The following EXPH5 variants were observed in gnomAD, a reference collection of about 807,000 sequenced individuals.
EXPH5 encodes the protein exophilin-5.
Under a neutral mutation model 41.1 loss-of-function variants are expected in EXPH5, and 42 were observed. The observed-to-expected ratio is 1.02, with a 90% CI of 0.80 to 1.32. The LOEUF is 1.32. EXPH5 is among the 40% of genes most tolerant of loss of function. The pLI, the probability that EXPH5 is intolerant of heterozygous loss-of-function variation, is 0.00. For missense variants in EXPH5, 2,298 were observed against 2,314.5 expected (o/e 0.99, Z 0.15); for synonymous variants, 798 against 833.5 (o/e 0.96, Z 0.73).
chr11:108,542,582 T>C (rs2093918391), intron 1 of EXPH5, among the ~76,000 whole-genome samples: 1 of 152,208 alleles, frequency 6.6e-6, no homozygotes, highest in African/African-American at 2.4e-5. Context: ...GTTAATCAAT[T>C]TAGTGTTTAT....
chr11:108,554,236 G>A (rs2093980818), intron 1 of EXPH5, among the ~76,000 whole-genome samples: 1 of 151,976 alleles, frequency 6.6e-6, no homozygotes. Context: ...GCTAATTTTT[G>A]TAGAGATGGT....
At chr11:108,560,448 C>G (rs1053483988) in intron 1 of EXPH5, among the ~76,000 whole-genome samples, 1 of 152,168 alleles carries the variant, frequency 6.6e-6, no homozygotes, top group Non-Finnish European at 1.5e-5. Context: ...ACTGATAAAC[C>G]AACTGACCTG....
intron 4 of EXPH5, 49 bp from the exon 5 acceptor site, chr11:108,518,422 C>A: frequency 1.9e-6 from 3 of 1,576,198 alleles, no homozygotes; most frequent in South Asian, 2.3e-5. Flanking sequence ...CTTCACCAGT[C>A]AAAATACTCA....
intron 1 of EXPH5, among the ~76,000 whole-genome samples, chr11:108,572,330 C>T (rs541809639): frequency 4.7e-4 from 71 of 152,168 alleles, no homozygotes; most frequent in Non-Finnish European, 8.1e-4. Flanking sequence ...GTACTCCACA[C>T]GTTTACTCAC....
upstream of EXPH5, among the ~76,000 whole-genome samples, chr11:108,594,255 A>C (rs915545867): frequency 1.3e-5 from 2 of 152,190 alleles, no homozygotes; most frequent in Non-Finnish European, 2.9e-5. Flanking sequence ...CTCTCATCCC[A>C]CAGACACCCC....
rs770027056 is a variant in EXPH5 at position 108,510,030 on chromosome 11, A to G, written c.5477T>C (p.Ile1826Thr). 6 of 1,613,262 alleles carry G rather than the reference A, an allele frequency of 3.7e-6. No homozygotes were observed. In the South Asian group the frequency reaches 6.6e-5, roughly 18 times the overall value. The change falls in exon 6 of 6, where the codon ATT becomes ACT. Residue 1826 changes from isoleucine to threonine, a missense_variant. By Grantham distance (89) the Ile-to-Thr change is moderately conservative (BLOSUM62 -1). Coordinates refer to ENST00000265843, the MANE Select transcript of EXPH5 (RefSeq NM_015065.3). ...RERHFSESTS[I>T]DNALSRLTLG... ...GGTCAGTCGACTCAGGGCATTGTCA[A>G]TAGAAGTGCTTTCAGAAAAATGGCG...
In EXPH5 at chr11:108,511,702, G is replaced by A. The variant is rs773456737; in HGVS notation, c.3805C>T (p.Gln1269Ter). ...KPSKKFCNLL[Q>*]QYTQNTNLLI... is the part of the protein sequence containing the mutation. ...AAATTAGTATTTTGTGTATACTGTTGAAGGAGGTTACAGAATTTTTTGCTG... is the reference window on the plus strand; with the variant it reads ...AAATTAGTATTTTGTGTATACTGTTAAAGGAGGTTACAGAATTTTTTGCTG... The change falls in exon 6 of 6, where the codon CAA (glutamine) becomes TAA (stop). Residue 1269 changes from glutamine to a stop codon, truncating the protein, a stop_gained. Coordinates refer to ENST00000265843, the MANE Select transcript of EXPH5 (RefSeq NM_015065.3). LOFTEE classifies it low-confidence loss of function (END_TRUNC). The A allele has an allele frequency of 6.2e-7, 1 of 1,607,986 alleles. No homozygotes were observed. Among genetic ancestry groups the A allele is most frequent in the Admixed American group, 1.7e-5 (1 of 58,390 alleles).
chr11:108,547,931 G>A lies in EXPH5; in HGVS notation c.120-6119C>T, dbSNP rs563221811. On this transcript the variant is annotated intron_variant, in intron 1 of 5. Transcript: ENST00000265843. ...TCAAGACCAGCCTGGCCAACATGGC[G>A]AAACACCATCTCTACTAAAAATACA... Among the ~76,000 whole-genome samples, 187 of 151,940 alleles carry A rather than the reference G, an allele frequency of 1.2e-3. 1 individual carries two copies. Among genetic ancestry groups the A allele is most frequent in the African/African-American group, 4.1e-3 (169 of 41,430 alleles).
At chr11:108,554,608 CAA>C (rs2093982314) in intron 1 of EXPH5, among the ~76,000 whole-genome samples, 1 of 151,820 alleles carries the variant, frequency 6.6e-6, no homozygotes, top group South Asian at 2.1e-4. Context: ...ACTCCCAACA[CAA>C]AAGAGATCTA....
Position 108,508,049 on chromosome 11 carries a change from G to A in EXPH5, c.*1488C>T, listed in dbSNP as rs2093654098. 1.3e-5 allele frequency: 2 copies of A among 151,428 alleles called. No homozygotes were observed. The allele number at this position is 151,428 out of a possible 1,614,324, so 9.4% of individuals were successfully genotyped here. A position where few individuals can be genotyped will look rare whatever the true frequency, so the allele number is the denominator to read the frequency against. ...AAAAAATTAGCCAGGTGTGGTGGTGGGTGCCTGTAGTCCCAGCTACTTGGG... is the reference window on the plus strand; with the variant it reads ...AAAAAATTAGCCAGGTGTGGTGGTGAGTGCCTGTAGTCCCAGCTACTTGGG... On this transcript the variant is annotated 3_prime_UTR_variant, in exon 6 of 6. Coordinates refer to ENST00000265843, the MANE Select transcript of EXPH5 (RefSeq NM_015065.3).
At chr11:108,546,184 A>G (rs1374215965) in intron 1 of EXPH5, among the ~76,000 whole-genome samples, 1 of 151,946 alleles carries the variant, frequency 6.6e-6, no homozygotes, top group Non-Finnish European at 1.5e-5. Flanking sequence ...AGACAAGCAG[A>G]GAGGCCACTG....
chr11:108,541,600 C>A, intron 2 of EXPH5, 52 bp downstream of exon 2: 1 of 1,299,034 alleles, frequency 7.7e-7, no homozygotes, highest in Non-Finnish European at 1.1e-6. Context: ...ATCTACAATA[C>A]TATGCCACAG....
At chr11:108,531,159 G>A (rs2093835382) in intron 3 of EXPH5, among the ~76,000 whole-genome samples, 1 of 152,130 alleles carries the variant, frequency 6.6e-6, no homozygotes, top group Non-Finnish European at 1.5e-5. Flanking sequence ...CAGTCATTCT[G>A]CCTGACAGTC....
Position 108,513,716 on chromosome 11 carries a change from C to G in EXPH5, c.1791G>C (p.Leu597Phe). ...CAGGAGAACTGTCCTGTTGACTTAC[C>G]AACTCACTAGATTTGACGTGATAGC... ...GSSYHVKSSE[L>F]VSQQDSSPVE... Residue 597 changes from leucine to phenylalanine, a missense_variant, in exon 6 of 6, where the codon TTG (leucine) becomes TTC (phenylalanine). By Grantham distance (22) the Leu-to-Phe change is conservative. Coordinates refer to ENST00000265843, the MANE Select transcript of EXPH5 (RefSeq NM_015065.3). 6.2e-7 allele frequency: 1 copy of G among 1,612,410 alleles called. No homozygotes were observed. Among genetic ancestry groups the G allele is most frequent in the Non-Finnish European group, 8.5e-7 (1 of 1,179,444 alleles).
At chr11:108,602,342 T>G in the EXPH5 span, among the ~76,000 whole-genome samples, 2 of 152,244 alleles carry the variant, frequency 1.3e-5, no homozygotes, top group Non-Finnish European at 2.9e-5. Flanking sequence ...CTATTTGAAT[T>G]TCTCTTTTCA....
chr11:108,528,015 C>T (rs995749691), intron 4 of EXPH5, 121 bp downstream of exon 4: 3 of 633,540 alleles, frequency 4.7e-6, no homozygotes, highest in Non-Finnish European at 8.3e-6. Context: ...AGGGAGAAAT[C>T]CAAGCTTCTA....
intron 4 of EXPH5, among the ~76,000 whole-genome samples, chr11:108,518,907 A>C (rs1312530711): frequency 6.6e-6 from 1 of 152,216 alleles, no homozygotes; most frequent in African/African-American, 2.4e-5. Context: ...CACTCCTGCC[A>C]GCACCATGAC....
chr11:108,555,950 CT>C (rs1416473083), intron 1 of EXPH5, among the ~76,000 whole-genome samples: 1 of 152,186 alleles, frequency 6.6e-6, no homozygotes, highest in Non-Finnish European at 1.5e-5. Flanking sequence ...ATACAAGCCC[CT>C]ATCTGTCTCC....
intron 1 of EXPH5, among the ~76,000 whole-genome samples, chr11:108,553,918 GCACGTTA>G (rs2136063868): frequency 6.6e-6 from 1 of 152,266 alleles, no homozygotes; most frequent in African/African-American, 2.4e-5. Context: ...CCTGGGCCAG[GCACGTTA>G]CACGTATTAA....
Sources: gnomAD v4.1 joint callset for allele counts (sites outside exome capture counted in the v4.1 genomes callset) on GRCh38, gnomAD v4.1.1 for gene constraint, MANE v1.5 for transcripts, NCBI Gene and HGNC (gene_info 2026-07-23, HGNC 2026-07-21) for gene names.